Variants in GRID1 observed in about 807,000 individuals in gnomAD.
The protein encoded by GRID1 is glutamate receptor ionotropic, delta-1.
In GRID1, 28 loss-of-function variants were observed where a neutral mutation model predicts 98.0. That is an observed-to-expected ratio of 0.29 (90% CI 0.21 to 0.39). The LOEUF (loss-of-function observed/expected upper bound fraction) is 0.39, where lower values mean the gene tolerates loss of function less well. GRID1 is among the 10% of genes least tolerant of loss of function. GRID1 has a pLI of 1.00. For missense variants in GRID1, 1,111 were observed against 1,340.5 expected (o/e 0.83, Z 2.67); for synonymous variants, 553 against 538.5 (o/e 1.03, Z -0.37).
chr10:86,312,320 C>T (rs1847842113), intron 2 of GRID1, among the ~76,000 whole-genome samples: 1 of 152,190 alleles, frequency 6.6e-6, no homozygotes. Flanking sequence ...GGTCTCCCAC[C>T]CCACCCTAAA....
chr10:85,739,062 CATT>C (rs1392628885), intron 8 of GRID1, among the ~76,000 whole-genome samples: 2 of 151,992 alleles, frequency 1.3e-5, no homozygotes, highest in African/African-American at 4.8e-5. Flanking sequence ...CATCTGAAAT[CATT>C]ATGTATAAAA....
At chr10:86,035,758 A>G (rs1053421649) in intron 4 of GRID1, among the ~76,000 whole-genome samples, 2 of 152,226 alleles carry the variant, frequency 1.3e-5, no homozygotes, top group African/African-American at 2.4e-5. Flanking sequence ...ATAAATAAAT[A>G]TGTTTATAAT....
chr10:86,240,656 G>A lies in GRID1; in HGVS notation c.236-34008C>T, dbSNP rs180779626. Among the ~76,000 whole-genome samples, 27 of 152,324 alleles carry A rather than the reference G, an allele frequency of 1.8e-4. No individual in the cohort carries two copies. The East Asian group carries it at 2.5e-3, about 14-fold the overall frequency. On this transcript the variant is annotated intron_variant, in intron 2 of 15. Transcript: ENST00000327946. The stretch of plus-strand genomic sequence containing the variant: ...AGCAGATTTTAGCTCCAGAAGAGAA[G>A]AGACCAACTGCTCCCCTATGGAATG...
At position 86,077,235 on chromosome 10, in the gene GRID1, T is replaced by C. The variant is rs148638050; in HGVS notation, c.726+61584A>G. Among the ~76,000 whole-genome samples, 94 of 137,180 alleles carry C rather than the reference T, an allele frequency of 6.9e-4. 5 individuals are homozygous for C. The highest frequency in any genetic ancestry group is 2.4e-3 in the African/African-American group (88 of 37,204). The allele number at this position is 137,180 out of a possible 152,430, so 90.0% of individuals were successfully genotyped here. ...TTCCTTTTGTGCATTTGGTCATTCA[T>C]TCAGCTGCACAGTGATACTCAGTGG... On this transcript the variant is annotated intron_variant, in intron 4 of 15. Coordinates refer to ENST00000327946, the MANE Select transcript of GRID1 (RefSeq NM_017551.3).
At chr10:85,910,325 T>C (rs1467779977) in intron 5 of GRID1, among the ~76,000 whole-genome samples, 1 of 152,214 alleles carries the variant, frequency 6.6e-6, no homozygotes, top group Non-Finnish European at 1.5e-5. Context: ...CATATCATGG[T>C]CTTTTTCTTT....
intron 14 of GRID1, among the ~76,000 whole-genome samples, chr10:85,614,430 A>C (rs888860521): frequency 1.3e-5 from 2 of 152,226 alleles, no homozygotes; most frequent in Non-Finnish European, 2.9e-5. Context: ...CTTGGCAAAT[A>C]GTGTTGAATC....
rs184307746 is a variant in GRID1, at chr10:86,041,771, C to G, written c.726+97048G>C. Among the ~76,000 whole-genome samples the G allele has an allele frequency of 2.0e-3, 300 of 152,316 alleles. 3 individuals are homozygous for G. The highest frequency in any genetic ancestry group is 7.0e-3 in the African/African-American group (293 of 41,574). On this transcript the variant is annotated intron_variant, in intron 4 of 15. Coordinates refer to ENST00000327946, the MANE Select transcript of GRID1 (RefSeq NM_017551.3). The stretch of plus-strand genomic sequence containing the variant: ...TGTGACCCAAGAGTCACTATGTAAA[C>G]CCCAAGATTATCAGCTTTGTCATCT...
chr10:86,043,974 C>T (rs1176340938), intron 4 of GRID1, among the ~76,000 whole-genome samples: 1 of 152,146 alleles, frequency 6.6e-6, no homozygotes, highest in African/African-American at 2.4e-5. Flanking sequence ...ACTTAATAAA[C>T]ATTACCTACA....
chr10:86,305,124 C>A (rs78007178), intron 2 of GRID1, among the ~76,000 whole-genome samples: 9 of 146,878 alleles, frequency 6.1e-5, no homozygotes, highest in Admixed American at 6.0e-4. Flanking sequence ...AAAAAAAAAA[C>A]TGATGTCCCC....
chr10:85,973,105 A>T (rs1842428431), intron 4 of GRID1, among the ~76,000 whole-genome samples: 1 of 152,172 alleles, frequency 6.6e-6, no homozygotes. Context: ...ATTCATTCCG[A>T]TGTCACTTGT....
chr10:86,091,792 G>A (rs1278237707), intron 4 of GRID1, among the ~76,000 whole-genome samples: 1 of 152,124 alleles, frequency 6.6e-6, no homozygotes, highest in Admixed American at 6.5e-5. Context: ...GAAACCCACA[G>A]ACAGTTCACA....
chr10:85,854,943 A>G (rs896696494), intron 7 of GRID1, among the ~76,000 whole-genome samples: 2 of 152,226 alleles, frequency 1.3e-5, no homozygotes, highest in African/African-American at 4.8e-5. Context: ...GCCCTCTTGA[A>G]GCTTAGTCCT....
intron 4 of GRID1, among the ~76,000 whole-genome samples, chr10:86,007,170 C>A (rs1398303037): frequency 6.6e-6 from 1 of 152,194 alleles, no homozygotes; most frequent in Non-Finnish European, 1.5e-5. Context: ...AAATTAAACG[C>A]TGTTTTGTAT....
intron 4 of GRID1, among the ~76,000 whole-genome samples, chr10:85,946,395 C>T (rs1267253126): frequency 6.6e-6 from 1 of 152,138 alleles, no homozygotes. Flanking sequence ...AGTGTCAACT[C>T]GTGTTAAATA....
chr10:86,004,859 A>C (rs962983988), intron 4 of GRID1, among the ~76,000 whole-genome samples: 2 of 152,170 alleles, frequency 1.3e-5, no homozygotes, highest in African/African-American at 4.8e-5. Flanking sequence ...ACCTCATTGC[A>C]CTGTTCCTAC....
chr10:85,621,650 G>A (rs1184304813), intron 13 of GRID1, among the ~76,000 whole-genome samples: 7 of 152,066 alleles, frequency 4.6e-5, no homozygotes, highest in African/African-American at 7.2e-5. Context: ...CTTTCACCTC[G>A]AGGAGCAATC....
chr10:86,317,382 G>A (rs570698465), intron 2 of GRID1, among the ~76,000 whole-genome samples: 1 of 152,342 alleles, frequency 6.6e-6, no homozygotes, highest in East Asian at 1.9e-4. Context: ...CTGTGGACCT[G>A]TGAGTTTCTA....
intron 2 of GRID1, among the ~76,000 whole-genome samples, chr10:86,346,431 G>A (rs1848383230): frequency 6.6e-6 from 1 of 152,168 alleles, no homozygotes; most frequent in Admixed American, 6.5e-5. Flanking sequence ...AGCTGGGTGG[G>A]GCCTGGCCCC....
chr10:85,659,412 T>C (rs1217945897), intron 12 of GRID1, among the ~76,000 whole-genome samples: 2 of 152,228 alleles, frequency 1.3e-5, no homozygotes, highest in African/African-American at 4.8e-5. Context: ...TGGACTCATG[T>C]GGCTGAGAAC....
Sources: gnomAD v4.1 joint callset for allele counts (sites outside exome capture counted in the v4.1 genomes callset) on GRCh38, gnomAD v4.1.1 for gene constraint, MANE v1.5 for transcripts, NCBI Gene and HGNC (gene_info 2026-07-23, HGNC 2026-07-21) for gene names.